SCML1: variants seen among roughly 807,000 people sequenced by gnomAD.
SCML1 encodes Scm polycomb group protein like 1.
For synonymous variants in SCML1, 104 were observed against 103.6 expected (o/e 1.00, Z -0.02); for missense variants, 137 against 258.1 (o/e 0.53, Z 3.22).
At chrX:17,744,422 A>G in intron 2 of SCML1, 1 of 335,646 alleles carries the variant, frequency 3.0e-6, no homozygotes, top group South Asian at 7.4e-5. Flanking sequence ...TTTTGGGTGA[A>G]CAGACAGAAG....
intron 2 of SCML1, 90 bp from the exon 3 acceptor site, chrX:17,745,366 C>G: frequency 1.9e-6 from 1 of 529,446 alleles, no homozygotes; most frequent in East Asian, 3.6e-5. Context: ...GCCTTTGTAA[C>G]AGCCTCTTGA....
At chrX:17,746,847 C>T (rs1401713516) in intron 4 of SCML1, among the ~76,000 whole-genome samples, 1 of 111,679 alleles carries the variant, frequency 9.0e-6, no homozygotes, top group Non-Finnish European at 1.9e-5. Flanking sequence ...TCAGCTTATA[C>T]GCTGAGGTGG....
rs780913646 is a variant in SCML1, at chrX:17,751,798, C to T, written c.704-17C>T. ...GTGTGATTTGTCTTTTTTTTCTTTT[C>T]CCCCTCTCCATTGAAGTTACAAGGT... On this transcript the variant is annotated splice_polypyrimidine_tract_variant and intron_variant, in intron 6 of 7. Coordinates refer to ENST00000380041, the MANE Select transcript of SCML1 (RefSeq NM_001037540.3). The T allele has an allele frequency of 4.2e-6, 5 of 1,195,778 alleles. No homozygotes were observed. The East Asian group carries it at 8.9e-5, about 21-fold the overall frequency.
rs751348431 is a variant in SCML1 at position 17,737,664 on chromosome X, C to T, written c.-133C>T. The stretch of plus-strand genomic sequence containing the variant: ...GACCTCCGGAGGCCGGCGTGACAGG[C>T]TCTGTCACTAAAATAGGTCTGTCCA... On this transcript the variant is annotated 5_prime_UTR_variant, in exon 1 of 8. Coordinates refer to ENST00000380041, the MANE Select transcript of SCML1 (RefSeq NM_001037540.3). 3 of 111,252 alleles carry T rather than the reference C, an allele frequency of 2.7e-5. No homozygotes were observed. Among genetic ancestry groups the T allele is most frequent in the African/African-American group, 9.8e-5 (3 of 30,668 alleles). The allele number at this position is 111,252 out of a possible 1,213,427, so 9.2% of individuals were successfully genotyped here.
At chrX:17,749,139 T>A (rs749658500) in intron 4 of SCML1, among the ~76,000 whole-genome samples, 8 of 112,029 alleles carry the variant, frequency 7.1e-5, no homozygotes, top group Non-Finnish European at 1.3e-4. Flanking sequence ...TGTGGGACAT[T>A]CATTCACCAG....
In SCML1 at chrX:17,753,638, C is replaced by A. The variant is rs1472690753; in HGVS notation, c.*246C>A. 1.2e-5 allele frequency: 2 copies of A among 161,227 alleles called. No individual in the cohort carries two copies. The highest frequency in any genetic ancestry group is 1.1e-5 in the Non-Finnish European group (1 of 87,123). The allele number at this position is 161,227 out of a possible 1,213,427, so 13.3% of individuals were successfully genotyped here. A position where few individuals can be genotyped will look rare whatever the true frequency, so the allele number is the denominator to read the frequency against. On this transcript the variant is annotated 3_prime_UTR_variant, in exon 8 of 8. Coordinates refer to ENST00000380041, the MANE Select transcript of SCML1 (RefSeq NM_001037540.3). ...ATTCTTTATAGGTCTTTAAAAATTA[C>A]TTTTATTATATTGTTTACAAATATA...
At chrX:17,751,762 G>A in intron 6 of SCML1, 53 bp from the exon 7 acceptor site, 3 of 1,133,720 alleles carry the variant, frequency 2.6e-6, no homozygotes, top group Non-Finnish European at 3.6e-6. Flanking sequence ...TCAGGATAAT[G>A]ATCAGGTCGA....
intron 3 of SCML1, 46 bp downstream of exon 3, chrX:17,745,585 A>G: frequency 1.3e-6 from 1 of 757,002 alleles, no homozygotes. Context: ...TTGCTGTTTT[A>G]AAGGAAAAGA....
At chrX:17,749,559 A>G (rs1475567379) in intron 5 of SCML1, 55 bp downstream of exon 5, 2 of 761,548 alleles carry the variant, frequency 2.6e-6, no homozygotes, top group Non-Finnish European at 3.9e-6. Flanking sequence ...GTTTGTAAAG[A>G]TGCCAATGAG....
chrX:17,741,743 G>T (rs1464562903), intron 1 of SCML1, among the ~76,000 whole-genome samples: 1 of 111,173 alleles, frequency 9.0e-6, no homozygotes, highest in Admixed American at 9.6e-5. Context: ...AAGTGGAAAA[G>T]AGGGATGAGG....
chrX:17,738,359 C>T (rs767548669), intron 1 of SCML1, among the ~76,000 whole-genome samples: 42 of 111,971 alleles, frequency 3.8e-4, no homozygotes, highest in African/African-American at 1.3e-3. Flanking sequence ...CTCCTCTCCC[C>T]GGCTCTCCCC....
intron 1 of SCML1, among the ~76,000 whole-genome samples, chrX:17,743,217 C>A (rs1263732093): frequency 8.9e-6 from 1 of 111,793 alleles, no homozygotes; most frequent in Non-Finnish European, 1.9e-5. Flanking sequence ...TCTTCTTTAT[C>A]CCTTTTGATT....
chrX:17,751,056 A>C (rs1177812954), intron 6 of SCML1, among the ~76,000 whole-genome samples: 1 of 112,573 alleles, frequency 8.9e-6, no homozygotes, highest in Non-Finnish European at 1.9e-5. Context: ...TATTTTTTAA[A>C]CATATAAACC....
intron 1 of SCML1, among the ~76,000 whole-genome samples, chrX:17,741,543 A>G (rs1434033917): frequency 8.9e-6 from 1 of 112,223 alleles, no homozygotes; most frequent in Non-Finnish European, 1.9e-5. Context: ...TTTAATAATG[A>G]AGTAAAGTGC....
rs1254822517 is a variant in SCML1, at chrX:17,746,112, G to C, written c.198+14G>C. The C allele has an allele frequency of 7.7e-6, 8 of 1,041,033 alleles. No homozygotes were observed. The highest frequency in any genetic ancestry group is 9.2e-6 in the Non-Finnish European group (7 of 759,525). The allele number at this position is 1,041,033 out of a possible 1,213,427, so 85.8% of individuals were successfully genotyped here. ...ATTCATTGCCAGGTATGGAAGTTCT[G>C]TCTCTTCAATGTAGTTTTCTAAAAT... On this transcript the variant is annotated intron_variant, in intron 4 of 7. Transcript: ENST00000380041.
chrX:17,751,188 C>T (rs981940934), intron 6 of SCML1, among the ~76,000 whole-genome samples: 2 of 112,299 alleles, frequency 1.8e-5, no homozygotes, highest in Non-Finnish European at 3.8e-5. Context: ...CACATTAGCA[C>T]TTAAGCCACG....
At chrX:17,743,825 A>T (rs995511171) in intron 1 of SCML1, 1 of 146,560 alleles carries the variant, frequency 6.8e-6, no homozygotes, top group African/African-American at 3.1e-5. Context: ...GTAGGCTTTA[A>T]GTTACTAAGC....
At chrX:17,748,826 G>T (rs1404718348) in intron 4 of SCML1, among the ~76,000 whole-genome samples, 1 of 111,893 alleles carries the variant, frequency 8.9e-6, no homozygotes, top group Non-Finnish European at 1.9e-5. Flanking sequence ...TCTCCTATGT[G>T]TTCGATTGGC....
At chrX:17,740,829 G>T (rs1000547783) in intron 1 of SCML1, among the ~76,000 whole-genome samples, 1 of 112,338 alleles carries the variant, frequency 8.9e-6, no homozygotes, top group African/African-American at 3.2e-5. Flanking sequence ...TATTATGGAC[G>T]GAGGGCATAA....
Sources: gnomAD v4.1 joint callset for allele counts (sites outside exome capture counted in the v4.1 genomes callset) on GRCh38, gnomAD v4.1.1 for gene constraint, MANE v1.5 for transcripts, NCBI Gene and HGNC (gene_info 2026-07-23, HGNC 2026-07-21) for gene names.